Variants in HNRNPA3 observed in about 807,000 individuals in gnomAD.
HNRNPA3 encodes heterogeneous nuclear ribonucleoprotein A3.
Under a neutral mutation model 45.8 loss-of-function variants are expected in HNRNPA3, and 3 were observed. That is an observed-to-expected ratio of 0.07 (90% CI 0.03 to 0.17). The LOEUF is 0.17. Among genes scored for constraint, HNRNPA3 ranks in the 10% least tolerant of loss-of-function variants. The pLI, the probability that HNRNPA3 is intolerant of heterozygous loss-of-function variation, is 1.00. For synonymous variants in HNRNPA3, 170 were observed against 155.6 expected (o/e 1.09, Z -0.69); for missense variants, 183 against 480.3 (o/e 0.38, Z 5.79).
chr2:177,212,867 A>C, exon 1 of HNRNPA3: 1 of 1,495,112 alleles, frequency 6.7e-7, no homozygotes. Flanking sequence ...CGCCGGGGGG[A>C]GGAGGTATTA....
intron 7 of HNRNPA3, 91 bp downstream of exon 7, chr2:177,217,031 C>T: frequency 7.8e-7 from 1 of 1,274,862 alleles, no homozygotes; most frequent in Non-Finnish European, 1.1e-6. Context: ...TTAGTTAAAA[C>T]TTCAGTGGCT....
intron 4 of HNRNPA3, 122 bp downstream of exon 4, chr2:177,216,310 T>A: frequency 1.3e-6 from 1 of 749,290 alleles, no homozygotes; most frequent in East Asian, 2.7e-5. Flanking sequence ...ATAGTCAATT[T>A]TCATAGTGTC....
intron 1 of HNRNPA3, among the ~76,000 whole-genome samples, chr2:177,213,921 A>G (rs1688804998): frequency 6.6e-6 from 1 of 152,246 alleles, no homozygotes; most frequent in South Asian, 2.1e-4. Flanking sequence ...AATCGAATAC[A>G]TTTATCCAAG....
chr2:177,217,055 G>A (rs976267419), intron 7 of HNRNPA3, 115 bp downstream of exon 7: 1 of 1,145,952 alleles, frequency 8.7e-7, no homozygotes, highest in African/African-American at 1.6e-5. Flanking sequence ...TGGTTAAGGT[G>A]TATTTCCAAA....
At chr2:177,213,803 A>G (rs1326659358) in intron 1 of HNRNPA3, among the ~76,000 whole-genome samples, 1 of 152,190 alleles carries the variant, frequency 6.6e-6, no homozygotes, top group Non-Finnish European at 1.5e-5. Context: ...CTCTGGTTGT[A>G]GTTTCCTGGA....
rs758733962 is a variant in HNRNPA3 at position 177,215,530 on chromosome 2, T to C, written c.73-9T>C. 6 of 1,613,696 alleles carry C rather than the reference T, an allele frequency of 3.7e-6. No individual in the cohort carries two copies. The highest frequency in any genetic ancestry group is 4.5e-5 in the East Asian group (2 of 44,902). ...AAGGTAACTTAAGAGTATTGGTTCT[T>C]TCTCTCAGGGCCATGATCCAAAGGA... On this transcript the variant is annotated splice_polypyrimidine_tract_variant and intron_variant, in intron 1 of 10. Coordinates refer to ENST00000392524, the Ensembl canonical transcript of HNRNPA3.
At chr2:177,213,166 T>C (rs960044006) in intron 1 of HNRNPA3, among the ~76,000 whole-genome samples, 1 of 125,712 alleles carries the variant, frequency 8.0e-6, no homozygotes, top group Admixed American at 8.2e-5. Flanking sequence ...GAGGGCGGCA[T>C]GGCGGGCCCC....
At chr2:177,217,004 A>G in intron 7 of HNRNPA3, 64 bp downstream of exon 7, 1 of 1,365,698 alleles carries the variant, frequency 7.3e-7, no homozygotes, top group Admixed American at 3.0e-5. Context: ...AAAATTATTT[A>G]TTACACTTTT....
intron 5 of HNRNPA3, 26 bp downstream of exon 5, chr2:177,216,618 C>T: frequency 6.2e-7 from 1 of 1,610,246 alleles, no homozygotes; most frequent in Admixed American, 1.7e-5. Context: ...CACATGTATA[C>T]AGTGGATATG....
intron 1 of HNRNPA3, among the ~76,000 whole-genome samples, chr2:177,214,541 A>T (rs567655505): frequency 5.3e-5 from 8 of 152,342 alleles, no homozygotes; most frequent in African/African-American, 1.9e-4. Flanking sequence ...CACGCCTGTA[A>T]TTCTAGCACT....
At chr2:177,223,732 TTAAG>T (rs1574250848), downstream of HNRNPA3, 2 of 152,224 alleles carry the variant, frequency 1.3e-5, no homozygotes, top group African/African-American at 2.4e-5. Context: ...ACTTTAAAAC[TTAAG>T]TATGTTTTCT....
At chr2:177,216,344 T>G (rs2105430141) in intron 4 of HNRNPA3, among the ~76,000 whole-genome samples, 156 bp downstream of exon 4, 1 of 151,846 alleles carries the variant, frequency 6.6e-6, no homozygotes, top group Non-Finnish European at 1.5e-5. Flanking sequence ...AGTATCCAGA[T>G]CAAGAAATAA....
At chr2:177,214,847 G>C (rs1439666545) in intron 1 of HNRNPA3, among the ~76,000 whole-genome samples, 1 of 152,218 alleles carries the variant, frequency 6.6e-6, no homozygotes, top group Admixed American at 6.5e-5. Context: ...AGACTGAGAA[G>C]AGTTGAAATG....
chr2:177,218,614 C>T (rs1574245132), intron 8 of HNRNPA3, among the ~76,000 whole-genome samples: 1 of 152,122 alleles, frequency 6.6e-6, no homozygotes, highest in African/African-American at 2.4e-5. Flanking sequence ...GTAGTTGAAG[C>T]GTTTAAGCAA....
Position 177,215,962 on chromosome 2 carries a change from A to G in HNRNPA3, c.343-16A>G, listed in dbSNP as rs368776199. On this transcript the variant is annotated splice_polypyrimidine_tract_variant and intron_variant, in intron 3 of 10. Transcript: ENST00000392524. Reference sequence around the variant, plus strand: ...GAAAGTTTGTTTCTTGACTTAATATATTACTTTATTTGTAGGATTCTGTAA... The same window carrying G: ...GAAAGTTTGTTTCTTGACTTAATATGTTACTTTATTTGTAGGATTCTGTAA... 7.1e-5 allele frequency: 113 copies of G among 1,600,534 alleles called. No homozygotes were observed. Among genetic ancestry groups the G allele is most frequent in the Non-Finnish European group, 8.4e-5 (99 of 1,175,904 alleles).
intron 1 of HNRNPA3, among the ~76,000 whole-genome samples, chr2:177,213,439 C>T (rs1348621806): frequency 6.6e-6 from 1 of 152,254 alleles, no homozygotes; most frequent in African/African-American, 2.4e-5. Context: ...CGCTGAAGTT[C>T]TGCCGACGCT....
At chr2:177,223,841 A>G (rs568013190), downstream of HNRNPA3, 9 of 152,370 alleles carry the variant, frequency 5.9e-5, no homozygotes, top group East Asian at 3.9e-4. Flanking sequence ...TTTCATTAAA[A>G]TATTTTTAGA....
chr2:177,213,865 A>G (rs115338982), intron 1 of HNRNPA3, among the ~76,000 whole-genome samples: 1,600 of 152,372 alleles, frequency 0.011, 30 homozygotes, highest in African/African-American at 0.037. Flanking sequence ...TTTTTGCAGT[A>G]CATTTAATGT....
At chr2:177,212,906 G>A in intron 1 of HNRNPA3, 35 bp downstream of exon 1, 1 of 1,322,714 alleles carries the variant, frequency 7.6e-7, no homozygotes, top group Non-Finnish European at 1.0e-6. Flanking sequence ...GGTGGGGAAT[G>A]GCCGGCGTTG....
Sources: gnomAD v4.1 joint callset for allele counts (sites outside exome capture counted in the v4.1 genomes callset) on GRCh38, gnomAD v4.1.1 for gene constraint, MANE v1.5 for transcripts, NCBI Gene and HGNC (gene_info 2026-07-23, HGNC 2026-07-21) for gene names.